The following AHR variants were observed in gnomAD, a reference collection of about 807,000 sequenced individuals.
AHR encodes the protein AH-receptor.
In AHR, 40 loss-of-function variants were observed where a neutral mutation model predicts 86.8. That is an observed-to-expected ratio of 0.46 (90% CI 0.36 to 0.60). The LOEUF (loss-of-function observed/expected upper bound fraction) is 0.60. Ranked by LOEUF, AHR falls within the 20% of genes least tolerant of loss-of-function variation. AHR has a pLI of 0.00. For missense variants in AHR, 1,001 were observed against 1,011.6 expected (o/e 0.99, Z 0.14); for synonymous variants, 398 against 354.9 (o/e 1.12, Z -1.37).
At chr7:17,331,399 T>C (rs1191540462) in intron 6 of AHR, among the ~76,000 whole-genome samples, 1 of 151,958 alleles carries the variant, frequency 6.6e-6, no homozygotes, top group Admixed American at 6.6e-5. Context: ...CATTTTAAAG[T>C]AATTATTTCT....
intron 3 of AHR, among the ~76,000 whole-genome samples, chr7:17,323,431 T>C (rs139355795): frequency 1.3e-5 from 2 of 152,280 alleles, no homozygotes; most frequent in East Asian, 3.8e-4. Context: ...TAGTTTCTAA[T>C]TTGTCTATGA....
chr7:17,336,985 A>C (rs1477745358), intron 9 of AHR, among the ~76,000 whole-genome samples: 1 of 152,140 alleles, frequency 6.6e-6, no homozygotes, highest in Non-Finnish European at 1.5e-5. Flanking sequence ...ATATATACTT[A>C]AACATATATA....
chr7:17,305,550 A>G (rs1388622607), intron 1 of AHR, among the ~76,000 whole-genome samples: 1 of 152,106 alleles, frequency 6.6e-6, no homozygotes, highest in Non-Finnish European at 1.5e-5. Flanking sequence ...AGGGTCAGGT[A>G]CAGGGACTGG....
In AHR at chr7:17,310,161, T is replaced by TA. The variant is rs752914552; in HGVS notation, c.253+44dup. On this transcript the variant is annotated intron_variant, in intron 2 of 10. Transcript: ENST00000242057. Reference sequence around the variant, plus strand: ...GGTTTAATTTGTCTACAATAACGTATAAAAAATACTTGTACTAGATATAGC... The same window carrying TA: ...GGTTTAATTTGTCTACAATAACGTATAAAAAAATACTTGTACTAGATATAGC... The TA allele has an allele frequency of 3.2e-6, 5 of 1,549,888 alleles. No homozygotes were observed. In the East Asian group the frequency reaches 6.7e-5, roughly 21 times the overall value.
intron 1 of AHR, among the ~76,000 whole-genome samples, chr7:17,304,198 C>T: frequency 6.6e-6 from 1 of 151,990 alleles, no homozygotes; most frequent in Admixed American, 6.6e-5. Flanking sequence ...GCATGTGAGG[C>T]CTTATCTTTT....
Position 17,299,108 on chromosome 7 carries a change from C to G in AHR, c.-157C>G, listed in dbSNP as rs1489050007. 8.2e-6 allele frequency: 6 copies of G among 730,844 alleles called. No individual in the cohort carries two copies. Among genetic ancestry groups the G allele is most frequent in the Non-Finnish European group, 1.2e-5 (6 of 488,232 alleles). The allele number at this position is 730,844 out of a possible 1,614,324, so 45.3% of individuals were successfully genotyped here. ...GCCTGCGTGAGCCGAGGCGTTGAGGCGCGGCGCCCACGCCACTGTCCCGAG... is the reference window on the plus strand; with the variant it reads ...GCCTGCGTGAGCCGAGGCGTTGAGGGGCGGCGCCCACGCCACTGTCCCGAG... On this transcript the variant is annotated 5_prime_UTR_variant, in exon 1 of 11. Coordinates refer to ENST00000242057, the MANE Select transcript of AHR (RefSeq NM_001621.5).
intron 2 of AHR, among the ~76,000 whole-genome samples, chr7:17,313,006 T>A (rs1782081424): frequency 6.6e-6 from 1 of 152,172 alleles, no homozygotes; most frequent in Admixed American, 6.6e-5. Flanking sequence ...AATGCAAACA[T>A]ACAAAATTTA....
In AHR at chr7:17,339,821, C is replaced by A. The variant is rs149039873; in HGVS notation, c.1996C>A (p.Gln666Lys). ...CCAATTCGTGCCTTTCAATTGTCCA[C>A]AGCAAGACCCACAACAATATAATGT... is the stretch of plus-strand genomic sequence containing the variant. ...SNQFVPFNCP[Q>K]QDPQQYNVFT... Residue 666 changes from glutamine (Q) to lysine (K), a missense_variant, in exon 10 of 11, where the codon CAG (glutamine) becomes AAG (lysine). Physicochemically the swap from Gln to Lys is moderately conservative, Grantham distance 53 (BLOSUM62 1). Around this residue, in one of 2 missense-constraint regions of AHR, gnomAD observed 607 missense variants for 543.1 expected, o/e 1.12. Coordinates refer to ENST00000242057, the MANE Select transcript of AHR (RefSeq NM_001621.5). 32 of 1,614,088 alleles carry A rather than the reference C, an allele frequency of 2.0e-5. No individual in the cohort carries two copies. In the African/African-American group the frequency reaches 4.1e-4, roughly 21 times the overall value.
intron 2 of AHR, among the ~76,000 whole-genome samples, chr7:17,314,174 A>C (rs918539569): frequency 2.6e-5 from 4 of 152,128 alleles, no homozygotes; most frequent in African/African-American, 9.6e-5. Context: ...AATGGAGCTT[A>C]GGGATCCGAG....
chr7:17,299,204 C>A lies in AHR; in HGVS notation c.-61C>A, dbSNP rs1010067208. The stretch of plus-strand genomic sequence containing the variant: ...CCGCCGCAGTGGTCCCAGCCTACAC[C>A]GGGTTCCGGGGACCCGGCCGCCAGT... On this transcript the variant is annotated 5_prime_UTR_variant, in exon 1 of 11. Transcript: ENST00000242057. The A allele has an allele frequency of 2.9e-5, 46 of 1,574,972 alleles. 1 individual carries two copies. In the Admixed American group the frequency reaches 3.7e-4, roughly 13 times the overall value.
intron 7 of AHR, 47 bp downstream of exon 7, chr7:17,334,161 T>C: frequency 2.0e-6 from 3 of 1,500,792 alleles, no homozygotes; most frequent in Non-Finnish European, 2.8e-6. Context: ...TACATTATGT[T>C]TCAGTAAGTC....
chr7:17,302,810 A>AAT lies in AHR; in HGVS notation c.65+3497_65+3498dup, dbSNP rs572946925. On this transcript the variant is annotated intron_variant, in intron 1 of 10. Transcript: ENST00000242057. ...CACAACTAAAACAGAACAAAAAAAAAATATATATATATATATAAACTGTGA... is the reference window on the plus strand; with the variant it reads ...CACAACTAAAACAGAACAAAAAAAAAATATATATATATATATATAAACTGTGA... Among the ~76,000 whole-genome samples, 427 of 149,846 alleles carry AAT rather than the reference A, an allele frequency of 2.8e-3. 1 individual carries two copies. The highest frequency in any genetic ancestry group is 8.7e-3 in the African/African-American group (358 of 41,024).
chr7:17,342,564 A>G (rs1782437387), intron 10 of AHR, among the ~76,000 whole-genome samples: 1 of 152,148 alleles, frequency 6.6e-6, no homozygotes, highest in South Asian at 2.1e-4. Context: ...TGGTCAAAGC[A>G]AACCTACTTA....
intron 5 of AHR, 87 bp from the exon 6 acceptor site, chr7:17,330,669 T>A (rs1332760104): frequency 1.6e-6 from 2 of 1,262,678 alleles, no homozygotes; most frequent in African/African-American, 3.0e-5. Flanking sequence ...GACTCCAGTT[T>A]AGAAACTAAT....
rs539978073 is a variant in AHR at position 17,306,052 on chromosome 7, C to T, written c.66-3884C>T. Among the ~76,000 whole-genome samples the T allele has an allele frequency of 1.3e-4, 20 of 152,196 alleles. 1 individual carries two copies. The South Asian group carries it at 3.9e-3, about 30-fold the overall frequency. Reference sequence around the variant, plus strand: ...AGGTTTCAAAAAATAATAAGTTACTCCTTTGCCTGACCAACATCATACGGT... The same window carrying T: ...AGGTTTCAAAAAATAATAAGTTACTTCTTTGCCTGACCAACATCATACGGT... On this transcript the variant is annotated intron_variant, in intron 1 of 10. Coordinates refer to ENST00000242057, the MANE Select transcript of AHR (RefSeq NM_001621.5).
intron 9 of AHR, 131 bp from the exon 10 acceptor site, chr7:17,338,855 G>A: frequency 1.1e-6 from 1 of 902,590 alleles, no homozygotes; most frequent in Non-Finnish European, 1.6e-6. Context: ...TAATTGAGGT[G>A]AAAATAAAAT....
chr7:17,342,916 T>C lies in AHR; in HGVS notation c.2404-5T>C, dbSNP rs1330303234. ...AATAAGTTGCATCACCATTTTTGTT[T>C]TCAGTTTCAGAATGGAGTTTTAAAT... On this transcript the variant is annotated splice_region_variant and splice_polypyrimidine_tract_variant and intron_variant, in intron 10 of 10. Transcript: ENST00000242057. 6.2e-7 allele frequency: 1 copy of C among 1,610,946 alleles called. No individual in the cohort carries two copies. The highest frequency in any genetic ancestry group is 1.3e-5 in the African/African-American group (1 of 74,912).
chr7:17,340,435 T>G lies in AHR; in HGVS notation c.2403+207T>G, dbSNP rs529193149. 2.0e-5 allele frequency among the ~76,000 whole-genome samples: 3 copies of G among 152,172 alleles called. No individual in the cohort carries two copies. The East Asian group carries it at 5.8e-4, about 29-fold the overall frequency. ...GTTACTAATATATCATTCACCTGAT[T>G]CATGAGGGAGAAAGATATCAAGGAA... On this transcript the variant is annotated intron_variant, in intron 10 of 10. Transcript: ENST00000242057.
intron 5 of AHR, among the ~76,000 whole-genome samples, chr7:17,330,449 C>A (rs890695886): frequency 6.6e-6 from 1 of 151,798 alleles, no homozygotes; most frequent in African/African-American, 2.4e-5. Flanking sequence ...TATAAAAATG[C>A]TTTTCTCAAT....
Sources: gnomAD v4.1 joint callset for allele counts (sites outside exome capture counted in the v4.1 genomes callset) on GRCh38, gnomAD v4.1.1 for gene constraint, gnomAD v4.1.1 regional missense constraint, MANE v1.5 for transcripts, NCBI Gene and HGNC (gene_info 2026-07-23, HGNC 2026-07-21) for gene names.